Variants in GLO1 observed in about 807,000 individuals in gnomAD.
The protein encoded by GLO1 is glyoxalase I.
A neutral mutation model predicts 26.0 loss-of-function variants in GLO1; 28 were observed. The ratio of observed to expected loss-of-function variants is 1.08; its 90% confidence interval spans 0.80 to 1.48. GLO1 has a LOEUF of 1.48. GLO1 is among the 40% of genes most tolerant of loss of function. The pLI is 0.00. For synonymous variants in GLO1, 78 were observed against 77.6 expected, an observed-to-expected ratio of 1.00 and a Z score of -0.03; for missense variants, 225 against 224.8, an observed-to-expected ratio of 1.00 and a Z score of -0.01.
chr6:38,680,131 C>A (rs1761349463), intron 5 of GLO1, among the ~76,000 whole-genome samples: 1 of 152,222 alleles, frequency 6.6e-6, no homozygotes, highest in Non-Finnish European at 1.5e-5. Context: ...ATTTTCAAGA[C>A]TGAAGGAAAT....
intron 1 of GLO1, among the ~76,000 whole-genome samples, chr6:38,698,607 T>C (rs1006186416): frequency 3.4e-5 from 5 of 149,120 alleles, no homozygotes; most frequent in African/African-American, 4.9e-5. Context: ...CAGATACAGA[T>C]AGTAAAAAAG....
chr6:38,702,219 G>A (rs751335647), intron 1 of GLO1, among the ~76,000 whole-genome samples: 14 of 152,100 alleles, frequency 9.2e-5, no homozygotes, highest in Admixed American at 2.6e-4. Flanking sequence ...GAGCCACCGC[G>A]CCCGCCAACT....
At chr6:38,687,788 C>T (rs1221763869) in intron 1 of GLO1, among the ~76,000 whole-genome samples, 1 of 152,166 alleles carries the variant, frequency 6.6e-6, no homozygotes, top group Admixed American at 6.5e-5. Context: ...GAGAAGCTGA[C>T]ACTGAGTAAT....
At chr6:38,695,466 T>G (rs1761596942) in intron 1 of GLO1, among the ~76,000 whole-genome samples, 2 of 152,204 alleles carry the variant, frequency 1.3e-5, no homozygotes, top group Admixed American at 1.3e-4. Context: ...ACCTCACCTC[T>G]CTTTACATTC....
intron 1 of GLO1, among the ~76,000 whole-genome samples, chr6:38,687,677 G>A (rs1274590436): frequency 1.3e-5 from 2 of 152,206 alleles, no homozygotes. Flanking sequence ...AATTCATGGA[G>A]TTAAGATTAT....
intron 1 of GLO1, among the ~76,000 whole-genome samples, chr6:38,697,518 G>T (rs1226841409): frequency 6.6e-6 from 1 of 152,164 alleles, no homozygotes; most frequent in Non-Finnish European, 1.5e-5. Flanking sequence ...TTCCACAAGG[G>T]ACAGTTATAA....
chr6:38,699,628 G>A (rs1016813057), intron 1 of GLO1, among the ~76,000 whole-genome samples: 1 of 152,118 alleles, frequency 6.6e-6, no homozygotes, highest in Non-Finnish European at 1.5e-5. Flanking sequence ...TTCCTGGGGG[G>A]AGGTCTATAA....
chr6:38,689,205 C>A (rs147912671), intron 1 of GLO1, among the ~76,000 whole-genome samples: 17 of 152,338 alleles, frequency 1.1e-4, no homozygotes, highest in Non-Finnish European at 1.9e-4. Context: ...TCCCCAGAGC[C>A]TCTGAGTAAG....
At chr6:38,695,915 T>C (rs1164527877) in intron 1 of GLO1, among the ~76,000 whole-genome samples, 1 of 152,150 alleles carries the variant, frequency 6.6e-6, no homozygotes, top group Non-Finnish European at 1.5e-5. Context: ...CTGGGCAATA[T>C]GAGGCAAAAA....
intron 2 of GLO1, 129 bp from the exon 3 acceptor site, chr6:38,684,643 G>C (rs1349188329): frequency 2.3e-6 from 1 of 429,836 alleles, no homozygotes; most frequent in African/African-American, 2.0e-5. Context: ...TATTTTAATG[G>C]AATAAGCAGG....
intron 5 of GLO1, among the ~76,000 whole-genome samples, chr6:38,677,897 G>A (rs2127545203): frequency 6.6e-6 from 1 of 152,192 alleles, no homozygotes; most frequent in East Asian, 1.9e-4. Context: ...TAAACTGTGG[G>A]ACTGGCTGCA....
chr6:38,688,400 C>A (rs1038925169), intron 1 of GLO1, among the ~76,000 whole-genome samples: 1 of 149,526 alleles, frequency 6.7e-6, no homozygotes, highest in African/African-American at 2.5e-5. Flanking sequence ...TCTGTGGCTG[C>A]CATGATGTGA....
In GLO1 at chr6:38,690,467, GAGATATATAC is replaced by G. The variant is rs1274468459; in HGVS notation, c.85-3503_85-3494del. 2.0e-5 allele frequency among the ~76,000 whole-genome samples: 3 copies of G among 152,080 alleles called. No individual in the cohort carries two copies. In the East Asian group the frequency reaches 5.8e-4, roughly 29 times the overall value. Reference sequence around the variant, plus strand: ...GCGTCGAGGTATATTAAATGGCATGGAGATATATACAGATGGTATACTAAGTCTAATGGCA... The same window carrying G: ...GCGTCGAGGTATATTAAATGGCATGGAGATGGTATACTAAGTCTAATGGCA... On this transcript the variant is annotated intron_variant, in intron 1 of 5. Transcript: ENST00000373365.
At chr6:38,700,843 G>C (rs1051565300) in intron 1 of GLO1, among the ~76,000 whole-genome samples, 1 of 147,634 alleles carries the variant, frequency 6.8e-6, no homozygotes, top group African/African-American at 2.5e-5. Context: ...GCAGTGGCAT[G>C]ATCTCGGCTC....
chr6:38,684,518 C>A lies in GLO1; in HGVS notation c.168-4G>T. ...AAAATCACATTTTTGGATTAGCCTG[C>A]AATGAAAAAACAACAAGCCTGAATC... On this transcript the variant is annotated splice_polypyrimidine_tract_variant and splice_region_variant and intron_variant, in intron 2 of 5. Transcript: ENST00000373365. 4 of 1,493,476 alleles carry A rather than the reference C, an allele frequency of 2.7e-6. No individual in the cohort carries two copies. Among genetic ancestry groups the A allele is most frequent in the Non-Finnish European group, 2.7e-6 (3 of 1,120,372 alleles). 92.5% of individuals were successfully genotyped at this position (1,493,476 alleles called of 1,614,324 possible). A position where few individuals can be genotyped will look rare whatever the true frequency, so the allele number is the denominator to read the frequency against.
intron 1 of GLO1, among the ~76,000 whole-genome samples, chr6:38,694,619 T>C (rs1051672703): frequency 6.6e-6 from 1 of 151,722 alleles, no homozygotes; most frequent in Non-Finnish European, 1.5e-5. Flanking sequence ...GCAGAGATTG[T>C]AGTGAGCTGA....
At position 38,689,775 on chromosome 6, in the gene GLO1, G is replaced by A. The variant is rs750218642; in HGVS notation, c.85-2801C>T. Among the ~76,000 whole-genome samples the A allele has an allele frequency of 7.9e-5, 12 of 151,592 alleles. No individual in the cohort carries two copies. In the Middle Eastern group the frequency reaches 0.01, roughly 129 times the overall value. On this transcript the variant is annotated intron_variant, in intron 1 of 5. Transcript: ENST00000373365. ...AGACTGATCAACATGGTGAAACCCCGTCTCTACTAAAAATACAAAAAATCA... is the reference window on the plus strand; with the variant it reads ...AGACTGATCAACATGGTGAAACCCCATCTCTACTAAAAATACAAAAAATCA...
chr6:38,689,952 G>A (rs62396384), intron 1 of GLO1, among the ~76,000 whole-genome samples: 7,622 of 152,062 alleles, frequency 0.05, 291 homozygotes, highest in East Asian at 0.2. Context: ...AGCCTCCCGA[G>A]TAGCTGGGAC....
At chr6:38,702,874 C>A in intron 1 of GLO1, 97 bp downstream of exon 1, 1 of 696,254 alleles carries the variant, frequency 1.4e-6, no homozygotes. Flanking sequence ...CCGAGGCCGG[C>A]GGACCTGCAG....
Sources: allele counts gnomAD v4.1 joint callset (sites outside exome capture counted in the v4.1 genomes callset), GRCh38; gene constraint gnomAD v4.1.1; transcripts MANE v1.5; gene names NCBI Gene and HGNC (gene_info 2026-07-23, HGNC 2026-07-21).